Variants in MLLT6 observed in about 807,000 individuals in gnomAD.
MLLT6 encodes the protein protein AF-17.
MLLT6 carries 22 observed loss-of-function variants against 103.0 expected under a neutral mutation model. The ratio of observed to expected loss-of-function variants is 0.21; its 90% CI spans 0.15 to 0.31. MLLT6 has a LOEUF of 0.31. MLLT6 is among the 10% of genes least tolerant of loss of function. The probability of loss-of-function intolerance (pLI) is 1.00; values close to 1 mark genes in which losing one functional copy is unlikely to be tolerated. For missense variants in MLLT6, 1,199 were observed against 1,441.7 expected (o/e 0.83, Z 2.73); for synonymous variants, 606 against 623.5 (o/e 0.97, Z 0.42).
intron 2 of MLLT6, among the ~76,000 whole-genome samples, chr17:38,707,266 G>A (rs551545269): frequency 5.3e-5 from 8 of 152,242 alleles, no homozygotes; most frequent in Admixed American, 3.9e-4. Flanking sequence ...TTTATTATGG[G>A]AAGTTTCCTA....
rs539253592 is a variant in MLLT6, at chr17:38,728,415, C to T, written c.*2817C>T. 55 of 233,336 alleles carry T rather than the reference C, an allele frequency of 2.4e-4. No individual in the cohort carries two copies. The East Asian group carries it at 3.2e-3, about 14-fold the overall frequency. The allele number at this position is 233,336 out of a possible 1,614,324, so 14.5% of individuals were successfully genotyped here. ...GAGGGGAAGGATGTGGTTTGCAGAG[C>T]GGAAGCAGAGTTTGGAAACGCATGA... On this transcript the variant is annotated 3_prime_UTR_variant, in exon 20 of 20. Transcript: ENST00000621332.
chr17:38,711,224 G>C (rs1199845487), intron 6 of MLLT6, among the ~76,000 whole-genome samples: 2 of 152,158 alleles, frequency 1.3e-5, no homozygotes, highest in Non-Finnish European at 1.5e-5. Flanking sequence ...TGAAGGGGAT[G>C]GGGGAGGCAG....
intron 11 of MLLT6, 79 bp from the exon 12 acceptor site, chr17:38,717,766 G>A (rs1307762808): frequency 7.1e-6 from 10 of 1,402,770 alleles, no homozygotes; most frequent in African/African-American, 7.1e-5. Context: ...CAGCACACCC[G>A]GCCCCCTGCA....
In MLLT6 at chr17:38,716,432, A is replaced by G; in HGVS notation, c.1102A>G (p.Lys368Glu). 1 of 1,613,768 alleles carries G rather than the reference A, an allele frequency of 6.2e-7. No individual in the cohort carries two copies. The highest frequency in any genetic ancestry group is 8.5e-7 in the Non-Finnish European group (1 of 1,179,856). Residue 368 changes from lysine (K) to glutamate (E), a missense_variant, in exon 10 of 20, where the codon AAG (lysine) becomes GAG (glutamate). Lys to Glu is a moderately conservative substitution (Grantham distance 56). Coordinates refer to ENST00000621332, the MANE Select transcript of MLLT6 (RefSeq NM_005937.4). The surrounding 1 kb of genome is among the most constrained non-coding windows in gnomAD (Gnocchi z 5.6). ...CAAGCTGGAGCAGCCAGAGGAGGAC[A>G]AGTACTCCAAGCCCACAGCCCCCGC... ...FPKLEQPEED[K>E]YSKPTAPAPS...
At position 38,722,082 on chromosome 17, in the gene MLLT6, G is replaced by C; in HGVS notation, c.2647G>C (p.Gly883Arg). The C allele has an allele frequency of 7.3e-7, 1 of 1,373,806 alleles. No homozygotes were observed. The highest frequency in any genetic ancestry group is 9.4e-7 in the Non-Finnish European group (1 of 1,068,168). The allele number at this position is 1,373,806 out of a possible 1,614,324, so 85.1% of individuals were successfully genotyped here. The change falls in exon 17 of 20, where the codon GGG (glycine) becomes CGG (arginine). Residue 883 changes from glycine to arginine, a missense_variant. By Grantham distance (125) the Gly-to-Arg change is moderately radical (BLOSUM62 -2). Coordinates refer to ENST00000621332, the MANE Select transcript of MLLT6 (RefSeq NM_005937.4). ...GCTGGGGGCCATGCCCATGGCTGAG[G>C]GGCTGTTGGGGGGGCTGGCAGGCAG... ...AGLGAMPMAE[G>R]LLGGLAGSGG...
Position 38,727,228 on chromosome 17 carries a change from CT to C in MLLT6, c.*1631del, listed in dbSNP as rs1475820532. 2.2e-5 allele frequency: 5 copies of C among 224,314 alleles called. No individual in the cohort carries two copies. Among genetic ancestry groups the C allele is most frequent in the Admixed American group, 1.2e-4 (2 of 17,136 alleles). The allele number at this position is 224,314 out of a possible 1,614,324, so 13.9% of individuals were successfully genotyped here. A position where few individuals can be genotyped will look rare whatever the true frequency, so the allele number is the denominator to read the frequency against. ...ATATATTTTTGCCTGTGCTGCTCAA[CT>C]GTTTTTTTTTTCTGATACTGAAAAT... On this transcript the variant is annotated 3_prime_UTR_variant, in exon 20 of 20. Coordinates refer to ENST00000621332, the MANE Select transcript of MLLT6 (RefSeq NM_005937.4).
intron 2 of MLLT6, 137 bp from the exon 3 acceptor site, chr17:38,707,349 A>T: frequency 1.3e-6 from 1 of 747,906 alleles, no homozygotes; most frequent in Non-Finnish European, 2.3e-6. Flanking sequence ...TTACCAACTC[A>T]TGGCCAATCC....
At position 38,724,293 on chromosome 17, in the gene MLLT6, A is replaced by G. The variant is rs1205023323; in HGVS notation, c.2884-327A>G. The G allele has an allele frequency of 3.0e-6, 1 of 329,672 alleles. No homozygotes were observed. The highest frequency in any genetic ancestry group is 5.5e-6 in the Non-Finnish European group (1 of 182,368). The allele number at this position is 329,672 out of a possible 1,614,324, so 20.4% of individuals were successfully genotyped here. A position where few individuals can be genotyped will look rare whatever the true frequency, so the allele number is the denominator to read the frequency against. The stretch of plus-strand genomic sequence containing the variant: ...GAAAAGAAAAGAAAACTATTGACCT[A>G]GTTTAGTGTTTTTCAACTTGGGGGC... On this transcript the variant is annotated intron_variant, in intron 18 of 19. Transcript: ENST00000621332. This position sits in a 1 kb window ranked among gnomAD's most constrained non-coding sequence, Gnocchi z 5.4.
chr17:38,724,784 G>T lies in MLLT6; in HGVS notation c.3048G>T (p.Ala1016=), dbSNP rs778177674. Residue 1016 remains alanine (A), a synonymous_variant, in exon 19 of 20, where the codon GCG becomes GCT. Coordinates refer to ENST00000621332, the MANE Select transcript of MLLT6 (RefSeq NM_005937.4). This position sits in a 1 kb window ranked among gnomAD's most constrained non-coding sequence, Gnocchi z 5.4. ...GTACCCCTGGCCTGCTGCCCACAGCGTCTGCTCCACCCCTGCTGCCCGCTG... is the reference window on the plus strand; with the variant it reads ...GTACCCCTGGCCTGCTGCCCACAGCTTCTGCTCCACCCCTGCTGCCCGCTG... ...SAGTPGLLPT[A]SAPPLLPAGA... 2.5e-6 allele frequency: 4 copies of T among 1,607,124 alleles called. No homozygotes were observed. In the South Asian group the frequency reaches 4.4e-5, roughly 18 times the overall value.
chr17:38,710,388 C>T (rs1031269260), intron 6 of MLLT6, among the ~76,000 whole-genome samples: 24 of 152,182 alleles, frequency 1.6e-4, no homozygotes, highest in Admixed American at 1.2e-3. Flanking sequence ...CTTGGATCTA[C>T]CCCCGAGCCA....
chr17:38,706,801 G>T (rs1904945675), intron 1 of MLLT6, 149 bp from the exon 2 acceptor site: 3 of 584,444 alleles, frequency 5.1e-6, no homozygotes, highest in South Asian at 2.3e-5. Flanking sequence ...GGGCAGTCCT[G>T]CTGTAGAGTG....
chr17:38,715,534 C>A (rs2143685432), intron 8 of MLLT6, 78 bp from the exon 9 acceptor site: 2 of 1,495,962 alleles, frequency 1.3e-6, no homozygotes, highest in Non-Finnish European at 1.8e-6. Context: ...GTCCTGTGCC[C>A]TCCTGCTTCA....
Position 38,717,851 on chromosome 17 carries a change from T to C in MLLT6, c.1840T>C (p.Ser614Pro). The C allele has an allele frequency of 6.2e-7, 1 of 1,612,912 alleles. No individual in the cohort carries two copies. Among genetic ancestry groups the C allele is most frequent in the Admixed American group, 1.7e-5 (1 of 59,978 alleles). Residue 614 changes from serine (S) to proline (P), a missense_variant, in exon 12 of 20, where the codon TCT (serine) becomes CCT (proline). Physicochemically the swap from Ser to Pro is moderately conservative, Grantham distance 74 (BLOSUM62 -1). Transcript: ENST00000621332. Reference protein sequence around the residue: ...SASISTTQVFSLAGSTFSLPS... With the variant: ...SASISTTQVFPLAGSTFSLPS... The stretch of plus-strand genomic sequence containing the variant: ...TTCTACCTCCCTCCCTTAGGTGTTT[T>C]CTCTGGCTGGCTCTACCTTTAGCCT...
rs1029423753 is a variant in MLLT6, at chr17:38,726,105, G to A, written c.*507G>A. ...GAAGGGACCCCTTGGACTTTTTCTC[G>A]CCATCCCTCCCCCCAGCGCAGGGGC... On this transcript the variant is annotated 3_prime_UTR_variant, in exon 20 of 20. Transcript: ENST00000621332. The A allele has an allele frequency of 2.6e-5, 6 of 234,970 alleles. No homozygotes were observed. The highest frequency in any genetic ancestry group is 1.8e-4 in the South Asian group (1 of 5,666). The allele number at this position is 234,970 out of a possible 1,614,324, so 14.6% of individuals were successfully genotyped here.
At chr17:38,712,248 A>G (rs760650103) in intron 7 of MLLT6, among the ~76,000 whole-genome samples, 28 of 152,106 alleles carry the variant, frequency 1.8e-4, no homozygotes, top group African/African-American at 5.1e-4. Context: ...ATGACATCAC[A>G]GTGTCCCCCA....
intron 2 of MLLT6, 70 bp from the exon 3 acceptor site, chr17:38,707,416 C>A: frequency 6.8e-7 from 1 of 1,474,924 alleles, no homozygotes; most frequent in South Asian, 1.2e-5. Flanking sequence ...AGCCTGGGAC[C>A]CCTTGAACGT....
intron 10 of MLLT6, 120 bp from the exon 11 acceptor site, chr17:38,717,311 TG>T: frequency 1.2e-6 from 1 of 828,874 alleles, no homozygotes; most frequent in Non-Finnish European, 1.9e-6. Context: ...AGGGTTAGAC[TG>T]GGGCATGTAG....
intron 8 of MLLT6, chr17:38,714,320 G>A (rs1390077856): frequency 1.3e-5 from 2 of 152,224 alleles, no homozygotes; most frequent in Admixed American, 6.5e-5. Flanking sequence ...GCCACTGGAC[G>A]TCTCATCATT....
rs1448324663 is a variant in MLLT6 at position 38,716,065 on chromosome 17, C to T, written c.1036+237C>T. The T allele has an allele frequency of 3.3e-6, 2 of 604,258 alleles. No homozygotes were observed. The highest frequency in any genetic ancestry group is 3.7e-5 in the African/African-American group (2 of 53,998). The allele number at this position is 604,258 out of a possible 1,614,324, so 37.4% of individuals were successfully genotyped here. A position where few individuals can be genotyped will look rare whatever the true frequency, so the allele number is the denominator to read the frequency against. On this transcript the variant is annotated intron_variant, in intron 9 of 19. Transcript: ENST00000621332. The surrounding 1 kb of genome is among the most constrained non-coding windows in gnomAD (Gnocchi z 5.6). ...CAACCTCATAACAGTATTCCTTATCCCCTACATTTGTGCTGCAAGGTACAA... is the reference window on the plus strand; with the variant it reads ...CAACCTCATAACAGTATTCCTTATCTCCTACATTTGTGCTGCAAGGTACAA...
Sources: gnomAD v4.1 joint callset for allele counts (sites outside exome capture counted in the v4.1 genomes callset) on GRCh38, gnomAD v4.1.1 for gene constraint, Gnocchi (gnomAD v3.1) non-coding constraint, MANE v1.5 for transcripts, NCBI Gene and HGNC (gene_info 2026-07-23, HGNC 2026-07-21) for gene names.